Variants in SGCG observed in about 807,000 individuals in gnomAD.
SGCG encodes sarcoglycan gamma.
A neutral mutation model predicts 29.3 loss-of-function variants in SGCG; 26 were observed. That is an observed-to-expected ratio of 0.89 (90% confidence interval 0.65 to 1.23). The LOEUF is 1.23. Ranked by LOEUF, SGCG falls within the 50% of genes most tolerant of loss-of-function variation. SGCG has a pLI of 0.00. For missense variants in SGCG, 353 were observed against 356.0 expected (o/e 0.99, Z 0.07); for synonymous variants, 145 against 129.7 (o/e 1.12, Z -0.80).
intron 4 of SGCG, 103 bp from the exon 5 acceptor site, chr13:23,279,256 T>C (rs1472952277): frequency 8.9e-7 from 1 of 1,118,366 alleles, no homozygotes; most frequent in Non-Finnish European, 1.3e-6. Context: ...ATACCAAGTC[T>C]TTAGATACTT....
chr13:23,223,521 A>C (rs971601962), intron 2 of SGCG, among the ~76,000 whole-genome samples: 1 of 152,238 alleles, frequency 6.6e-6, no homozygotes, highest in Non-Finnish European at 1.5e-5. Flanking sequence ...GAAAATGTAT[A>C]TATTAGATTC....
At chr13:23,181,883 A>T (rs1876749539) in intron 1 of SGCG, among the ~76,000 whole-genome samples, 1 of 152,242 alleles carries the variant, frequency 6.6e-6, no homozygotes, top group Non-Finnish European at 1.5e-5. Context: ...AAAACGAACT[A>T]CGGAATACAC....
At chr13:23,298,638 T>G (rs9510680) in intron 6 of SGCG, among the ~76,000 whole-genome samples, 56,307 of 151,798 alleles carry the variant, frequency 0.37, 10,982 homozygotes, top group East Asian at 0.78. Context: ...TTTCCTAGGT[T>G]AGAAAAATCA....
At chr13:23,304,624 G>A (rs1882295521) in intron 6 of SGCG, among the ~76,000 whole-genome samples, 1 of 151,912 alleles carries the variant, frequency 6.6e-6, no homozygotes, top group Non-Finnish European at 1.5e-5. Context: ...GAGGGGAGCG[G>A]ATGGAGTCTT....
intron 2 of SGCG, among the ~76,000 whole-genome samples, chr13:23,232,327 G>A (rs1023902244): frequency 2.6e-5 from 4 of 152,184 alleles, no homozygotes; most frequent in African/African-American, 9.7e-5. Flanking sequence ...TGATGTCTTT[G>A]AAAGTAGAAG....
intron 1 of SGCG, among the ~76,000 whole-genome samples, chr13:23,200,897 G>C (rs1203727925): frequency 6.6e-6 from 1 of 152,158 alleles, no homozygotes; most frequent in Non-Finnish European, 1.5e-5. Context: ...ACTGTTCCTG[G>C]AGCAGGAGGA....
intron 4 of SGCG, among the ~76,000 whole-genome samples, chr13:23,252,158 T>C (rs1593198480): frequency 6.6e-6 from 1 of 152,284 alleles, no homozygotes; most frequent in East Asian, 1.9e-4. Flanking sequence ...ACAAATTATA[T>C]TTTCTTGATA....
chr13:23,306,733 A>G (rs746085275), intron 6 of SGCG, among the ~76,000 whole-genome samples: 1 of 152,194 alleles, frequency 6.6e-6, no homozygotes, highest in Non-Finnish European at 1.5e-5. Flanking sequence ...GGTGTGGCTT[A>G]TTTTCCTTAA....
At chr13:23,173,425 A>G in the SGCG span, among the ~76,000 whole-genome samples, 1 of 152,216 alleles carries the variant, frequency 6.6e-6, no homozygotes, top group Non-Finnish European at 1.5e-5. Flanking sequence ...GGAAGAAATC[A>G]TCTCAGAGAA....
intron 1 of SGCG, among the ~76,000 whole-genome samples, chr13:23,189,753 T>G (rs1435002613): frequency 6.6e-6 from 1 of 152,150 alleles, no homozygotes; most frequent in African/African-American, 2.4e-5. Flanking sequence ...GGGAGGATGT[T>G]GAATAAGATA....
chr13:23,164,197 T>G, the SGCG span, among the ~76,000 whole-genome samples: 2 of 152,182 alleles, frequency 1.3e-5, no homozygotes, highest in Non-Finnish European at 2.9e-5. Flanking sequence ...TGTTTATAAC[T>G]CCCCTTAATC....
At position 23,192,364 on chromosome 13, in the gene SGCG, TTTTA is replaced by T. The variant is rs542435003; in HGVS notation, c.-1+11297_-1+11300del. On this transcript the variant is annotated intron_variant, in intron 1 of 7. Transcript: ENST00000218867. ...GTTGGTAGGATCTTTATTTATTTTA[TTTTA>T]TTTATTTTGTTTTGTTTTATTTTAT... Among the ~76,000 whole-genome samples the T allele has an allele frequency of 1.6e-3, 242 of 152,132 alleles. 1 individual carries two copies. The highest frequency in any genetic ancestry group is 5.6e-3 in the African/African-American group (231 of 41,504).
At chr13:23,321,337 G>A (rs919232316) in intron 7 of SGCG, among the ~76,000 whole-genome samples, 1 of 152,124 alleles carries the variant, frequency 6.6e-6, no homozygotes, top group African/African-American at 2.4e-5. Context: ...AAACCACAGA[G>A]AGTACAGAAC....
chr13:23,315,100 C>T (rs1222336220), intron 6 of SGCG, among the ~76,000 whole-genome samples: 4 of 152,292 alleles, frequency 2.6e-5, no homozygotes, highest in East Asian at 1.9e-4. Flanking sequence ...CTTTGGCAGG[C>T]CCTTACAGGT....
At chr13:23,226,132 C>A (rs1034835432) in intron 2 of SGCG, among the ~76,000 whole-genome samples, 1 of 152,072 alleles carries the variant, frequency 6.6e-6, no homozygotes, top group African/African-American at 2.4e-5. Context: ...TTCTACTCAC[C>A]CAGTGATTAC....
At chr13:23,286,242 CA>C (rs1184679903) in intron 5 of SGCG, among the ~76,000 whole-genome samples, 1 of 152,176 alleles carries the variant, frequency 6.6e-6, no homozygotes, top group Non-Finnish European at 1.5e-5. Context: ...CAGAATTCAA[CA>C]AAGCAGATGC....
chr13:23,206,459 G>A (rs1399831804), intron 2 of SGCG, among the ~76,000 whole-genome samples: 1 of 152,036 alleles, frequency 6.6e-6, no homozygotes, highest in South Asian at 2.1e-4. Flanking sequence ...TGTCCTCAAG[G>A]TTTATCCATG....
chr13:23,307,681 TATAGGGCAATA>T (rs1882408831), intron 6 of SGCG, among the ~76,000 whole-genome samples: 1 of 152,034 alleles, frequency 6.6e-6, no homozygotes, highest in Admixed American at 6.6e-5. Flanking sequence ...GGAGAAGAAA[TATAGGGCAATA>T]ATATTAATAT....
At chr13:23,201,466 C>T (rs1565997375) in intron 1 of SGCG, among the ~76,000 whole-genome samples, 1 of 151,944 alleles carries the variant, frequency 6.6e-6, no homozygotes, top group East Asian at 1.9e-4. Flanking sequence ...ACGGGGGTCC[C>T]TGTGAGGGGC....
Sources: gnomAD v4.1 joint callset for allele counts (sites outside exome capture counted in the v4.1 genomes callset) on GRCh38, gnomAD v4.1.1 for gene constraint, MANE v1.5 for transcripts, NCBI Gene and HGNC (gene_info 2026-07-23, HGNC 2026-07-21) for gene names.